Variants in SYNE2 observed in about 807,000 individuals in gnomAD.
SYNE2 encodes spectrin repeat containing nuclear envelope protein 2, also known as nesprin-2.
A neutral mutation model predicts 856.3 loss-of-function variants in SYNE2; 431 were observed. The observed-to-expected ratio is 0.50, with a 90% CI of 0.47 to 0.55. The LOEUF (loss-of-function observed/expected upper bound fraction) is 0.55. SYNE2 is among the 20% of genes least tolerant of loss of function. SYNE2 has a pLI of 0.00. For synonymous variants in SYNE2, 2,923 were observed against 2,872.3 expected, an observed-to-expected ratio of 1.02 and a Z score of -0.56; for missense variants, 8,129 against 8,023.2, an observed-to-expected ratio of 1.01 and a Z score of -0.50.
At chr14:64,097,819 A>G (rs1317564694) in intron 61 of SYNE2, 130 bp from the exon 62 acceptor site, 6 of 879,536 alleles carry the variant, frequency 6.8e-6, no homozygotes, top group Non-Finnish European at 1.1e-5. Context: ...CGTACCAGAG[A>G]CTAGCTTCTG....
intron 19 of SYNE2, among the ~76,000 whole-genome samples, chr14:63,987,874 A>G (rs2096637967): frequency 6.6e-6 from 1 of 152,182 alleles, no homozygotes; most frequent in Non-Finnish European, 1.5e-5. Context: ...TTGGATCAAG[A>G]TGTATTCTAA....
intron 1 of SYNE2, among the ~76,000 whole-genome samples, chr14:63,816,388 A>C (rs1040526360): frequency 6.6e-6 from 1 of 152,158 alleles, no homozygotes; most frequent in Non-Finnish European, 1.5e-5. Context: ...CAATCTATCA[A>C]CTCAGCTTTT....
intron 49 of SYNE2, among the ~76,000 whole-genome samples, chr14:64,056,599 G>A (rs552873189): frequency 3.3e-5 from 5 of 151,452 alleles, no homozygotes; most frequent in African/African-American, 7.3e-5. Context: ...GTTCTCTTGT[G>A]TGCTCCTCCT....
At chr14:64,209,137 T>C (rs1450519552) in intron 101 of SYNE2, 192 bp downstream of exon 101, 24 of 875,576 alleles carry the variant, frequency 2.7e-5, no homozygotes, top group Middle Eastern at 3.3e-4. Flanking sequence ...TCCCCAGCTG[T>C]CCTGTGTGGG....
At chr14:63,787,528 A>G (rs534847195) in intron 1 of SYNE2, among the ~76,000 whole-genome samples, 1 of 152,298 alleles carries the variant, frequency 6.6e-6, no homozygotes, top group East Asian at 1.9e-4. Context: ...TATGCAGACA[A>G]GTGGACGATG....
chr14:63,844,818 G>A (rs1890178231), intron 1 of SYNE2, among the ~76,000 whole-genome samples: 1 of 152,098 alleles, frequency 6.6e-6, no homozygotes, highest in South Asian at 2.1e-4. Context: ...GCCAAGGCGA[G>A]AGAATCTCTT....
At position 64,126,421 on chromosome 14, in the gene SYNE2, T is replaced by C. The variant is rs147261300; in HGVS notation, c.13649T>C (p.Met4550Thr). ...CAGTGCCTCAGCAGTGTGGAGGAGATGCTGGAGATGCCCAGACTTTACAGG... is the reference window on the plus strand; with the variant it reads ...CAGTGCCTCAGCAGTGTGGAGGAGACGCTGGAGATGCCCAGACTTTACAGG... ...LSQCLSSVEE[M>T]LEMPRLYRED... The change falls in exon 72 of 116, where the codon ATG becomes ACG. Residue 4550 changes from methionine (M) to threonine (T), a missense_variant. By Grantham distance (81) the Met-to-Thr change is moderately conservative (BLOSUM62 -1). This residue lies in a region of SYNE2 where 5,410 missense variants were observed against 5,284.8 expected (regional missense o/e 1.02). Transcript: ENST00000555002. The C allele has an allele frequency of 7.2e-5, 116 of 1,614,202 alleles. No homozygotes were observed. In the South Asian group the frequency reaches 1.1e-3, roughly 15 times the overall value.
intron 61 of SYNE2, among the ~76,000 whole-genome samples, chr14:64,095,557 A>G (rs1383377870): frequency 4.6e-5 from 7 of 152,176 alleles, no homozygotes. Flanking sequence ...TTCAGAAAAA[A>G]TCTTTTAGTA....
At chr14:63,889,977 C>A (rs555098888) in intron 1 of SYNE2, among the ~76,000 whole-genome samples, 1 of 151,628 alleles carries the variant, frequency 6.6e-6, no homozygotes, top group East Asian at 1.9e-4. Context: ...CTTGGCCTCT[C>A]TGTGTAGTAT....
At chr14:63,927,660 G>T (rs748253826) in intron 2 of SYNE2, among the ~76,000 whole-genome samples, 1 of 152,194 alleles carries the variant, frequency 6.6e-6, no homozygotes, top group Admixed American at 6.5e-5. Flanking sequence ...TTGGGAGGCC[G>T]AGGAGGACGG....
chr14:64,139,967 C>T lies in SYNE2; in HGVS notation c.14870C>T (p.Thr4957Ile). The change falls in exon 80 of 116, where the codon ACC (threonine) becomes ATC (isoleucine). Residue 4957 changes from threonine (T) to isoleucine (I), a missense_variant. By Grantham distance (89) the Thr-to-Ile change is moderately conservative. This residue lies in a region of SYNE2 where 5,410 missense variants were observed against 5,284.8 expected (regional missense o/e 1.02). Transcript: ENST00000555002. ...TATAACAGAGATTCGGATCAGTTAACCAAGTGGTTGGAATCTTCCCAGCAT... is the reference window on the plus strand; with the variant it reads ...TATAACAGAGATTCGGATCAGTTAATCAAGTGGTTGGAATCTTCCCAGCAT... ...LSYNRDSDQL[T>I]KWLESSQHTL... The T allele has an allele frequency of 6.2e-7, 1 of 1,614,052 alleles. No homozygotes were observed. Among genetic ancestry groups the T allele is most frequent in the East Asian group, 2.2e-5 (1 of 44,858 alleles).
chr14:64,087,071 T>C (rs1048783991), intron 57 of SYNE2, among the ~76,000 whole-genome samples: 5 of 141,566 alleles, frequency 3.5e-5, no homozygotes, highest in Non-Finnish European at 7.6e-5. Context: ...TGGTTTTTGA[T>C]GCTGTTGTCA....
intron 2 of SYNE2, among the ~76,000 whole-genome samples, chr14:63,921,607 A>G (rs1028086848): frequency 3.9e-5 from 6 of 152,204 alleles, no homozygotes; most frequent in African/African-American, 1.4e-4. Flanking sequence ...AAGATATCCT[A>G]TAAGTACCAA....
In SYNE2 at chr14:64,225,926, G is replaced by GAAAT. The variant is rs1226126394; in HGVS notation, c.*401_*404dup. ...AAGCAAGCGAGGACATTCCACCCTA[G>GAAAT]AAATGGTTCAGAAACTCATAGGCAC... On this transcript the variant is annotated 3_prime_UTR_variant, in exon 116 of 116. Coordinates refer to ENST00000555002, the MANE Select transcript of SYNE2 (RefSeq NM_182914.3). 1 of 399,520 alleles carries GAAAT rather than the reference G, an allele frequency of 2.5e-6. No homozygotes were observed. The highest frequency in any genetic ancestry group is 4.5e-6 in the Non-Finnish European group (1 of 220,220). The allele number at this position is 399,520 out of a possible 1,614,324, so 24.7% of individuals were successfully genotyped here.
intron 36 of SYNE2, 90 bp from the exon 37 acceptor site, chr14:64,021,767 G>T: frequency 7.0e-7 from 1 of 1,434,096 alleles, no homozygotes; most frequent in Non-Finnish European, 9.8e-7. Context: ...GAGTCATTGA[G>T]ATTTTTACAA....
At position 63,997,116 on chromosome 14, in the gene SYNE2, A is replaced by G. The variant is rs745542681; in HGVS notation, c.3110A>G (p.His1037Arg). The change falls in exon 24 of 116, where the codon CAT becomes CGT. Residue 1037 changes from histidine to arginine, a missense_variant. By Grantham distance (29) the His-to-Arg change is conservative. Coordinates refer to ENST00000555002, the MANE Select transcript of SYNE2 (RefSeq NM_182914.3). ...ERLLKCASEIHMTLQPTAGGT... is the reference protein window; with the variant it reads ...ERLLKCASEIRMTLQPTAGGT... ...CTTCTGAAATGTGCTTCCGAGATTC[A>G]TATGACACTGCAGCCCACAGCGGGA... 3 of 1,614,170 alleles carry G rather than the reference A, an allele frequency of 1.9e-6. No homozygotes were observed. The highest frequency in any genetic ancestry group is 3.3e-5 in the Admixed American group (2 of 60,010).
chr14:64,122,169 G>C (rs781458578), intron 69 of SYNE2, 36 bp downstream of exon 69: 1 of 1,613,992 alleles, frequency 6.2e-7, no homozygotes, highest in Non-Finnish European at 8.5e-7. Flanking sequence ...TCATTCAGTG[G>C]TTTTATGACT....
At chr14:63,840,363 G>A (rs1890010379) in intron 1 of SYNE2, among the ~76,000 whole-genome samples, 1 of 151,866 alleles carries the variant, frequency 6.6e-6, no homozygotes, top group East Asian at 1.9e-4. Context: ...GGGTCATTCA[G>A]GGAACCCAGT....
At chr14:64,044,755 C>CTCTT (rs1491507083) in intron 45 of SYNE2, among the ~76,000 whole-genome samples, 4 of 152,156 alleles carry the variant, frequency 2.6e-5, no homozygotes, top group African/African-American at 9.7e-5. Flanking sequence ...CCCACACAAC[C>CTCTT]TCTTTCTTTC....
Sources: allele counts gnomAD v4.1 joint callset (sites outside exome capture counted in the v4.1 genomes callset), GRCh38; gene constraint gnomAD v4.1.1; regional missense constraint gnomAD v4.1.1; transcripts MANE v1.5; gene names NCBI Gene and HGNC (gene_info 2026-07-23, HGNC 2026-07-21).